Variants in ETV1 observed in about 807,000 individuals in gnomAD.
ETV1 encodes the protein ETS variant transcription factor 1, also known as ETS translocation variant 1.
A neutral mutation model predicts 62.3 loss-of-function variants in ETV1; 27 were observed. That is an observed-to-expected ratio of 0.43 (90% confidence interval 0.32 to 0.60). ETV1 has a LOEUF of 0.60. Among genes scored for constraint, ETV1 ranks in the 20% least tolerant of loss-of-function variants. ETV1 has a pLI of 0.06. For missense variants in ETV1, 605 were observed against 605.8 expected (o/e 1.00, Z 0.01); for synonymous variants, 222 against 199.6 (o/e 1.11, Z -0.94).
At chr7:13,953,651 T>C (rs1267410962) in intron 6 of ETV1, among the ~76,000 whole-genome samples, 2 of 150,206 alleles carry the variant, frequency 1.3e-5, no homozygotes, top group African/African-American at 4.9e-5. Flanking sequence ...TGAAGACAGG[T>C]TCTTCCCATA....
chr7:13,894,381 GA>G lies in ETV1; in HGVS notation c.*1484del, dbSNP rs1781597051. 4.3e-6 allele frequency: 1 copy of G among 232,380 alleles called. No homozygotes were observed. The highest frequency in any genetic ancestry group is 8.5e-6 in the Non-Finnish European group (1 of 117,396). 14.4% of individuals were successfully genotyped at this position (232,380 alleles called of 1,614,324 possible). On this transcript the variant is annotated 3_prime_UTR_variant, in exon 14 of 14. Transcript: ENST00000430479. ...AAGCAAAAACAGAACAAAAAACTTT[GA>G]AACTTTAAATCTTCTTTCAAACAAT...
intron 5 of ETV1, among the ~76,000 whole-genome samples, chr7:13,985,834 T>A (rs1782498877): frequency 6.6e-6 from 1 of 152,184 alleles, no homozygotes; most frequent in Non-Finnish European, 1.5e-5. Context: ...TTTGAAGTTG[T>A]ATAAAGCTTT....
At position 13,895,437 on chromosome 7, in the gene ETV1, A is replaced by C. The variant is rs1781677466; in HGVS notation, c.*429T>G. On this transcript the variant is annotated 3_prime_UTR_variant, in exon 14 of 14. Transcript: ENST00000430479. The stretch of plus-strand genomic sequence containing the variant: ...TCATAAATGACAGGGGAAAATGCCC[A>C]AGGCAAATAGTCTCCAAGTGGATAT... 8.3e-6 allele frequency: 2 copies of C among 240,270 alleles called. No individual in the cohort carries two copies. Among genetic ancestry groups the C allele is most frequent in the Non-Finnish European group, 1.6e-5 (2 of 122,120 alleles). The allele number at this position is 240,270 out of a possible 1,614,324, so 14.9% of individuals were successfully genotyped here. A position where few individuals can be genotyped will look rare whatever the true frequency, so the allele number is the denominator to read the frequency against.
At chr7:13,909,847 C>G in intron 10 of ETV1, 147 bp from the exon 11 acceptor site, 1 of 663,540 alleles carries the variant, frequency 1.5e-6, no homozygotes, top group East Asian at 2.7e-5. Context: ...ATTATTTAAC[C>G]TCTGTGCCTC....
At chr7:13,981,593 T>G (rs913535350) in intron 5 of ETV1, among the ~76,000 whole-genome samples, 5 of 151,976 alleles carry the variant, frequency 3.3e-5, no homozygotes, top group African/African-American at 9.7e-5. Flanking sequence ...AGTAACTTGT[T>G]ACAGAAACTT....
At chr7:13,904,053 A>G (rs146579904) in intron 12 of ETV1, among the ~76,000 whole-genome samples, 6 of 152,296 alleles carry the variant, frequency 3.9e-5, no homozygotes, top group African/African-American at 7.2e-5. Flanking sequence ...CAGGCACCCA[A>G]TGAGCTGCTA....
At chr7:13,898,149 G>A (rs1782034798) in intron 13 of ETV1, among the ~76,000 whole-genome samples, 1 of 152,066 alleles carries the variant, frequency 6.6e-6, no homozygotes, top group African/African-American at 2.4e-5. Context: ...ACCAACCAAG[G>A]GGAATGATGT....
At chr7:13,912,587 A>T (rs975041188) in intron 9 of ETV1, among the ~76,000 whole-genome samples, 1 of 152,232 alleles carries the variant, frequency 6.6e-6, no homozygotes, top group Admixed American at 6.5e-5. Flanking sequence ...TGAACTCAAA[A>T]AAGCAATGGA....
At chr7:13,931,353 C>T (rs1441676726) in intron 9 of ETV1, 149 bp downstream of exon 9, 9 of 780,250 alleles carry the variant, frequency 1.2e-5, no homozygotes, top group Admixed American at 2.8e-5. Flanking sequence ...AATCTTTACA[C>T]GTAGATGAAG....
intron 6 of ETV1, among the ~76,000 whole-genome samples, chr7:13,943,855 T>C (rs1014118538): frequency 1.3e-5 from 2 of 152,190 alleles, no homozygotes; most frequent in Admixed American, 6.5e-5. Context: ...ATAATGAATG[T>C]ATATCAATAT....
At chr7:13,910,497 T>C (rs1007654430) in intron 10 of ETV1, 5 of 534,456 alleles carry the variant, frequency 9.4e-6, no homozygotes, top group Non-Finnish European at 1.2e-5. Context: ...ATATTTTACA[T>C]TTACCATCTC....
chr7:13,931,461 A>T (rs773194917), intron 9 of ETV1, 41 bp downstream of exon 9: 2 of 1,611,996 alleles, frequency 1.2e-6, no homozygotes, highest in Non-Finnish European at 1.7e-6. Flanking sequence ...AGGGAGGTGA[A>T]AAAGTGCCTT....
chr7:13,928,039 C>T (rs1379571594), intron 9 of ETV1, among the ~76,000 whole-genome samples: 1 of 152,264 alleles, frequency 6.6e-6, no homozygotes, highest in Admixed American at 6.5e-5. Context: ...CCATACATAC[C>T]TTCGACAAAC....
intron 9 of ETV1, among the ~76,000 whole-genome samples, chr7:13,920,382 C>T (rs1032914980): frequency 6.6e-6 from 1 of 152,104 alleles, no homozygotes; most frequent in Non-Finnish European, 1.5e-5. Flanking sequence ...TAAGCAGCAG[C>T]TGATGGAACA....
chr7:13,931,680 A>G lies in ETV1; in HGVS notation c.624T>C (p.Arg208=). The G allele has an allele frequency of 6.2e-7, 1 of 1,613,908 alleles. No homozygotes were observed. Among genetic ancestry groups the G allele is most frequent in the South Asian group, 1.1e-5 (1 of 91,060 alleles). Residue 208 remains arginine, a synonymous_variant, in exon 9 of 14, where the codon CGT becomes CGC. Coordinates refer to ENST00000430479, the MANE Select transcript of ETV1 (RefSeq NM_004956.5). ...CAGACATCTGGCGTTGGTACATAGG[A>G]CGTCCTTCCCTTGGCATCGTCGGCA... ...PPLPTMPREG[R]PMYQRQMSEP...
At chr7:13,989,194 T>C in intron 2 of ETV1, 55 bp from the exon 3 acceptor site, 1 of 686,616 alleles carries the variant, frequency 1.5e-6, no homozygotes, top group Non-Finnish European at 2.4e-6. Context: ...AATGAAGCTC[T>C]TGAATTTGCA....
At chr7:13,985,686 G>T (rs1422138159) in intron 5 of ETV1, among the ~76,000 whole-genome samples, 1 of 152,076 alleles carries the variant, frequency 6.6e-6, no homozygotes, top group Non-Finnish European at 1.5e-5. Flanking sequence ...TACACTCAAT[G>T]CTTAAATATC....
intron 9 of ETV1, among the ~76,000 whole-genome samples, chr7:13,927,175 G>T (rs1048946710): frequency 1.2e-4 from 19 of 152,272 alleles, no homozygotes; most frequent in African/African-American, 4.1e-4. Flanking sequence ...ACGGCAGGGT[G>T]CAGTGGCTCA....
chr7:13,953,172 C>G (rs1437631273), intron 6 of ETV1, among the ~76,000 whole-genome samples: 1 of 152,122 alleles, frequency 6.6e-6, no homozygotes, highest in African/African-American at 2.4e-5. Context: ...TACTTCATAT[C>G]CAACTGGCAG....
Sources: allele counts gnomAD v4.1 joint callset (sites outside exome capture counted in the v4.1 genomes callset), GRCh38; gene constraint gnomAD v4.1.1; transcripts MANE v1.5; gene names NCBI Gene and HGNC (gene_info 2026-07-23, HGNC 2026-07-21).